Variants in TDRD7 observed in about 807,000 individuals in gnomAD.
The protein encoded by TDRD7 is tudor domain-containing protein 7.
In TDRD7, 47 loss-of-function variants were observed where a neutral mutation model predicts 109.8. The ratio of observed to expected loss-of-function variants is 0.43; its 90% CI spans 0.34 to 0.55. TDRD7 has a LOEUF of 0.55. Among genes scored for constraint, TDRD7 ranks in the 20% least tolerant of loss-of-function variants. The pLI, the probability that TDRD7 is intolerant of heterozygous loss-of-function variation, is 0.03. For synonymous variants in TDRD7, 424 were observed against 457.3 expected (o/e 0.93, Z 0.93); for missense variants, 1,164 against 1,319.2 (o/e 0.88, Z 1.82).
chr9:97,456,915 C>T (rs1828622828), intron 6 of TDRD7, among the ~76,000 whole-genome samples: 1 of 152,120 alleles, frequency 6.6e-6, no homozygotes, highest in Non-Finnish European at 1.5e-5. Flanking sequence ...TTGCAAACTA[C>T]CCATCTGACA....
chr9:97,441,896 C>T, intron 6 of TDRD7, 21 bp downstream of exon 6: 1 of 1,597,906 alleles, frequency 6.3e-7, no homozygotes, highest in Non-Finnish European at 8.6e-7. Flanking sequence ...CCTTATTCCT[C>T]CCTTCTGATA....
intron 15 of TDRD7, among the ~76,000 whole-genome samples, chr9:97,484,574 T>C (rs1344375233): frequency 1.3e-5 from 2 of 152,180 alleles, no homozygotes; most frequent in East Asian, 1.9e-4. Context: ...AACATAGGCA[T>C]GTATAAAGTT....
At chr9:97,426,852 C>T (rs1038956616) in intron 1 of TDRD7, among the ~76,000 whole-genome samples, 16 of 152,118 alleles carry the variant, frequency 1.1e-4, no homozygotes, top group Non-Finnish European at 1.0e-4. Context: ...TTAAGATGGA[C>T]GAATGATGGA....
intron 1 of TDRD7, among the ~76,000 whole-genome samples, chr9:97,426,053 G>A (rs1471512601): frequency 1.3e-5 from 2 of 152,060 alleles, no homozygotes; most frequent in Non-Finnish European, 2.9e-5. Context: ...GTAAAAATAT[G>A]GTATATAAAA....
intron 6 of TDRD7, among the ~76,000 whole-genome samples, chr9:97,452,318 A>AAAGTGTTG (rs750794318): frequency 2.6e-5 from 4 of 152,214 alleles, no homozygotes; most frequent in Non-Finnish European, 5.9e-5. Context: ...ATATTTGCCT[A>AAAGTGTTG]AAGTGTTGAA....
intron 6 of TDRD7, among the ~76,000 whole-genome samples, chr9:97,447,130 G>A (rs1828414901): frequency 6.6e-6 from 1 of 152,152 alleles, no homozygotes. Context: ...AGATAAAATA[G>A]CACTGTTGTG....
intron 4 of TDRD7, among the ~76,000 whole-genome samples, chr9:97,432,806 T>C (rs1230403108): frequency 1.3e-5 from 2 of 152,230 alleles, no homozygotes; most frequent in African/African-American, 2.4e-5. Context: ...CCTTTCTGGT[T>C]CAAAACTATG....
chr9:97,462,086 C>T lies in TDRD7; in HGVS notation c.1442+1322C>T, dbSNP rs144502662. On this transcript the variant is annotated intron_variant, in intron 7 of 16. Coordinates refer to ENST00000355295, the MANE Select transcript of TDRD7 (RefSeq NM_014290.3). ...AATAGGTTGCTGAAGGCTAGAGGTC[C>T]CAATATGTTTCACTATTGTATTGAA... Among the ~76,000 whole-genome samples the T allele has an allele frequency of 2.7e-3, 404 of 152,218 alleles. 10 individuals are homozygous for T. In the East Asian group the frequency reaches 0.047, roughly 18 times the overall value.
intron 6 of TDRD7, among the ~76,000 whole-genome samples, chr9:97,452,622 G>T (rs1468617578): frequency 6.6e-6 from 1 of 152,194 alleles, no homozygotes; most frequent in Non-Finnish European, 1.5e-5. Flanking sequence ...TGATTATTTG[G>T]CTATGGTTTG....
intron 6 of TDRD7, among the ~76,000 whole-genome samples, chr9:97,449,394 C>G (rs972120556): frequency 6.6e-6 from 1 of 152,184 alleles, no homozygotes; most frequent in Admixed American, 6.5e-5. Context: ...ATCCAGGCCT[C>G]CAGAACTTCT....
chr9:97,478,296 A>G (rs1334495335), intron 12 of TDRD7, 143 bp from the exon 13 acceptor site: 3 of 675,266 alleles, frequency 4.4e-6, no homozygotes, highest in African/African-American at 3.7e-5. Flanking sequence ...GTAAATAAAT[A>G]CATTTTAAAT....
rs953864362 is a variant in TDRD7 at position 97,460,223 on chromosome 9, G to A, written c.901G>A (p.Ala301Thr). 24 of 1,614,078 alleles carry A rather than the reference G, an allele frequency of 1.5e-5. No individual in the cohort carries two copies. Among genetic ancestry groups the A allele is most frequent in the South Asian group, 6.6e-5 (6 of 91,086 alleles). The change falls in exon 7 of 17, where the codon GCT (alanine) becomes ACT (threonine). Residue 301 changes from alanine to threonine, a missense_variant. Transcript: ENST00000355295. ...SGGQDLLLYP[A>T]KRKQLLRSEL... ...TGGCCAAGATTTACTTCTTTATCCAGCTAAGAGAAAGCAGCTTTTGAGAAG... is the reference window on the plus strand; with the variant it reads ...TGGCCAAGATTTACTTCTTTATCCAACTAAGAGAAAGCAGCTTTTGAGAAG...
chr9:97,443,726 C>T (rs2118380463), intron 6 of TDRD7, among the ~76,000 whole-genome samples: 1 of 152,224 alleles, frequency 6.6e-6, no homozygotes, highest in African/African-American at 2.4e-5. Flanking sequence ...TTTATTTCAG[C>T]TTTTATTTTA....
At chr9:97,421,090 G>A (rs1277403793) in intron 1 of TDRD7, among the ~76,000 whole-genome samples, 10 of 151,446 alleles carry the variant, frequency 6.6e-5, no homozygotes, top group African/African-American at 2.4e-4. Flanking sequence ...AGCCGAGATC[G>A]GGCTACTGCA....
intron 15 of TDRD7, 131 bp downstream of exon 15, chr9:97,483,482 AT>A (rs1339184422): frequency 1.8e-6 from 2 of 1,127,068 alleles, no homozygotes; most frequent in Non-Finnish European, 2.5e-6. Context: ...AAACACAGTA[AT>A]TTTTCCGATT....
Position 97,482,835 on chromosome 9 carries a change from T to G in TDRD7, c.2413-14T>G. The G allele has an allele frequency of 1.2e-6, 2 of 1,613,192 alleles. No homozygotes were observed. Among genetic ancestry groups the G allele is most frequent in the Non-Finnish European group, 1.7e-6 (2 of 1,179,424 alleles). On this transcript the variant is annotated splice_polypyrimidine_tract_variant and intron_variant, in intron 14 of 16. Coordinates refer to ENST00000355295, the MANE Select transcript of TDRD7 (RefSeq NM_014290.3). ...AACTTGTATTTCTTATATCATTTTTTGTGTTTTCCAAAGGTTACAAAAGTG... is the reference window on the plus strand; with the variant it reads ...AACTTGTATTTCTTATATCATTTTTGGTGTTTTCCAAAGGTTACAAAAGTG...
chr9:97,422,414 A>G (rs13285938), intron 1 of TDRD7, among the ~76,000 whole-genome samples: 3 of 152,138 alleles, frequency 2.0e-5, no homozygotes, highest in African/African-American at 7.2e-5. Context: ...AAATCAGTTT[A>G]CCATATATGG....
intron 13 of TDRD7, 55 bp downstream of exon 13, chr9:97,478,628 A>C (rs745759253): frequency 1.2e-6 from 2 of 1,610,126 alleles, no homozygotes; most frequent in Admixed American, 3.3e-5. Flanking sequence ...TGTGTTCATA[A>C]TCTTATTGTA....
intron 1 of TDRD7, among the ~76,000 whole-genome samples, chr9:97,425,540 A>G (rs1489296153): frequency 1.3e-5 from 2 of 152,144 alleles, no homozygotes; most frequent in Admixed American, 6.5e-5. Context: ...AATAATGTTT[A>G]CACAATAACT....
Sources: allele counts gnomAD v4.1 joint callset (sites outside exome capture counted in the v4.1 genomes callset), GRCh38; gene constraint gnomAD v4.1.1; transcripts MANE v1.5; gene names NCBI Gene and HGNC (gene_info 2026-07-23, HGNC 2026-07-21).